LRRTM4: variants seen among roughly 807,000 people sequenced by gnomAD.
The protein encoded by LRRTM4 is leucine-rich repeat transmembrane neuronal protein 4.
A neutral mutation model predicts 47.6 loss-of-function variants in LRRTM4; 25 were observed. The ratio of observed to expected loss-of-function variants is 0.53; its 90% CI spans 0.38 to 0.73. The LOEUF (loss-of-function observed/expected upper bound fraction) is 0.73. LRRTM4 is among the 30% of genes least tolerant of loss of function. LRRTM4 has a pLI of 0.00. For synonymous variants in LRRTM4, 311 were observed against 269.5 expected (o/e 1.15, Z -1.51); for missense variants, 638 against 713.4 (o/e 0.89, Z 1.20).
chr2:77,099,212 A>G (rs940828163), intron 3 of LRRTM4, among the ~76,000 whole-genome samples: 1 of 151,982 alleles, frequency 6.6e-6, no homozygotes, highest in Non-Finnish European at 1.5e-5. Context: ...ATCATATACA[A>G]AGTACTATTC....
chr2:76,831,047 C>G (rs945411561), intron 3 of LRRTM4, among the ~76,000 whole-genome samples: 2 of 152,074 alleles, frequency 1.3e-5, no homozygotes, highest in Non-Finnish European at 2.9e-5. Flanking sequence ...TTTGCTCTTA[C>G]AAAGTTAATG....
At chr2:77,479,406 C>CA (rs1487666879) in intron 3 of LRRTM4, among the ~76,000 whole-genome samples, 3 of 152,110 alleles carry the variant, frequency 2.0e-5, no homozygotes, top group Admixed American at 6.5e-5. Flanking sequence ...GTACATCTGA[C>CA]AAAAAAAGAT....
chr2:76,913,711 G>C (rs1028648076), intron 3 of LRRTM4, among the ~76,000 whole-genome samples: 1 of 151,666 alleles, frequency 6.6e-6, no homozygotes, highest in Non-Finnish European at 1.5e-5. Flanking sequence ...GCTAATTTTT[G>C]TATTTTCATT....
At chr2:77,401,815 T>C (rs1162970823) in intron 3 of LRRTM4, among the ~76,000 whole-genome samples, 1 of 151,984 alleles carries the variant, frequency 6.6e-6, no homozygotes, top group Non-Finnish European at 1.5e-5. Context: ...CAAAAGTCTG[T>C]AACTTGTATC....
chr2:77,434,755 T>C (rs1363489986), intron 3 of LRRTM4, among the ~76,000 whole-genome samples: 1 of 152,176 alleles, frequency 6.6e-6, no homozygotes, highest in African/African-American at 2.4e-5. Flanking sequence ...CAGTAAAGCA[T>C]AGTGATTTGC....
chr2:76,948,398 T>C (rs1193163492), intron 3 of LRRTM4, among the ~76,000 whole-genome samples: 1 of 151,906 alleles, frequency 6.6e-6, no homozygotes, highest in Non-Finnish European at 1.5e-5. Flanking sequence ...TTTTCTTTCA[T>C]TGAAATGTGT....
intron 3 of LRRTM4, among the ~76,000 whole-genome samples, chr2:77,396,298 C>T (rs748128780): frequency 3.9e-5 from 6 of 151,960 alleles, no homozygotes; most frequent in East Asian, 3.9e-4. Flanking sequence ...TCTCCACCAC[C>T]GCTGAACTCA....
At chr2:77,176,420 T>C (rs1331905916) in intron 3 of LRRTM4, among the ~76,000 whole-genome samples, 2 of 152,230 alleles carry the variant, frequency 1.3e-5, no homozygotes, top group Admixed American at 1.3e-4. Flanking sequence ...AAGTCAGTCC[T>C]GTGCTAACCA....
intron 3 of LRRTM4, among the ~76,000 whole-genome samples, chr2:77,241,693 T>C (rs1675272987): frequency 6.6e-6 from 1 of 152,260 alleles, no homozygotes; most frequent in Non-Finnish European, 1.5e-5. Flanking sequence ...TTAGCAAATA[T>C]ATAAATATTC....
At chr2:77,077,251 T>C (rs888581398) in intron 3 of LRRTM4, among the ~76,000 whole-genome samples, 1 of 152,168 alleles carries the variant, frequency 6.6e-6, no homozygotes, top group Non-Finnish European at 1.5e-5. Flanking sequence ...AATTGTGCCA[T>C]AGATATCACT....
chr2:77,267,136 T>C (rs1185199261), intron 3 of LRRTM4, among the ~76,000 whole-genome samples: 2 of 152,098 alleles, frequency 1.3e-5, no homozygotes, highest in African/African-American at 4.8e-5. Flanking sequence ...TCTGCAGAAA[T>C]CCCCCAGAAA....
At chr2:76,990,006 T>C (rs1439980564) in intron 3 of LRRTM4, 1 of 151,758 alleles carries the variant, frequency 6.6e-6, no homozygotes, top group Non-Finnish European at 1.5e-5. Context: ...AAATTATGCT[T>C]CATTATTTAG....
intron 3 of LRRTM4, among the ~76,000 whole-genome samples, chr2:77,462,214 A>G (rs561187125): frequency 1.3e-5 from 2 of 152,212 alleles, no homozygotes; most frequent in Admixed American, 1.3e-4. Flanking sequence ...GAAAGCCATG[A>G]TGTGAGCTCT....
chr2:76,784,618 C>T (rs1674575255), intron 3 of LRRTM4, among the ~76,000 whole-genome samples: 1 of 152,036 alleles, frequency 6.6e-6, no homozygotes, highest in Non-Finnish European at 1.5e-5. Context: ...GTTGTATTTA[C>T]TATGGGGCAC....
chr2:77,259,009 A>T lies in LRRTM4; in HGVS notation c.1551+259309T>A, dbSNP rs143014179. 5.5e-3 allele frequency among the ~76,000 whole-genome samples: 837 copies of T among 152,190 alleles called. 5 individuals carry two copies. The highest frequency in any genetic ancestry group is 0.019 in the African/African-American group (791 of 41,562). ...TATGGATTTTTACTAGGAAACATCA[A>T]AACACATTTAAAAATTACTGTAATT... is the stretch of plus-strand genomic sequence containing the variant. On this transcript the variant is annotated intron_variant, in intron 3 of 3. Transcript: ENST00000409884.
chr2:77,264,000 C>A, intron 3 of LRRTM4, among the ~76,000 whole-genome samples: 1 of 150,150 alleles, frequency 6.7e-6, no homozygotes, highest in South Asian at 2.2e-4. Flanking sequence ...TAAACCGAAA[C>A]TTCTTTAAGT....
intron 3 of LRRTM4, among the ~76,000 whole-genome samples, chr2:77,197,597 T>C (rs1673864927): frequency 6.6e-6 from 1 of 152,186 alleles, no homozygotes; most frequent in Non-Finnish European, 1.5e-5. Context: ...ACACCTAAAA[T>C]ACTATTCTGT....
intron 3 of LRRTM4, among the ~76,000 whole-genome samples, chr2:76,873,346 C>T (rs2104064219): frequency 6.6e-6 from 1 of 151,628 alleles, no homozygotes; most frequent in South Asian, 2.1e-4. Flanking sequence ...AACTTCATTT[C>T]CAATCACCTA....
At chr2:77,259,906 T>C (rs1427717268) in intron 3 of LRRTM4, among the ~76,000 whole-genome samples, 1 of 152,050 alleles carries the variant, frequency 6.6e-6, no homozygotes. Context: ...AAGAGCCTTG[T>C]AGGTCAAAAT....
Sources: gnomAD v4.1 joint callset for allele counts (sites outside exome capture counted in the v4.1 genomes callset) on GRCh38, gnomAD v4.1.1 for gene constraint, MANE v1.5 for transcripts, NCBI Gene and HGNC (gene_info 2026-07-23, HGNC 2026-07-21) for gene names.